The following DLG2 variants were observed in gnomAD, a reference collection of about 807,000 sequenced individuals.
DLG2 encodes the protein discs large MAGUK scaffold protein 2, also known as disks large homolog 2.
In DLG2, 45 loss-of-function variants were observed where a neutral mutation model predicts 132.5. The observed-to-expected ratio is 0.34, with a 90% CI of 0.27 to 0.44. The LOEUF (loss-of-function observed/expected upper bound fraction) is 0.44, where lower values mean the gene tolerates loss of function less well. Among genes scored for constraint, DLG2 ranks in the 20% least tolerant of loss-of-function variants. The pLI is 1.00. For missense variants in DLG2, 1,045 were observed against 1,196.9 expected (o/e 0.87, Z 1.87); for synonymous variants, 424 against 419.6 (o/e 1.01, Z -0.13).
At chr11:85,587,906 T>C (rs2079072120) in intron 3 of DLG2, among the ~76,000 whole-genome samples, 2 of 152,204 alleles carry the variant, frequency 1.3e-5, no homozygotes, top group Admixed American at 6.5e-5. Context: ...ATGAATTCAC[T>C]CAACATTTGT....
intron 15 of DLG2, among the ~76,000 whole-genome samples, chr11:83,920,413 A>G (rs2077651755): frequency 6.6e-6 from 1 of 152,146 alleles, no homozygotes; most frequent in Non-Finnish European, 1.5e-5. Context: ...TAAAATATTT[A>G]GATCTCTATA....
intron 6 of DLG2, among the ~76,000 whole-genome samples, chr11:84,817,259 A>G (rs1177048984): frequency 6.6e-6 from 1 of 151,984 alleles, no homozygotes; most frequent in Non-Finnish European, 1.5e-5. Context: ...TTTTCTAGGC[A>G]GCTTCCATTT....
At chr11:84,892,680 T>C (rs1157237904) in intron 6 of DLG2, among the ~76,000 whole-genome samples, 1 of 152,114 alleles carries the variant, frequency 6.6e-6, no homozygotes, top group Non-Finnish European at 1.5e-5. Context: ...TAATTAAGGG[T>C]GCTGTTGGCC....
At chr11:84,262,198 A>C (rs2097556367) in intron 7 of DLG2, among the ~76,000 whole-genome samples, 1 of 152,160 alleles carries the variant, frequency 6.6e-6, no homozygotes, top group Non-Finnish European at 1.5e-5. Context: ...GATGGAGCCA[A>C]GGCTCACTCC....
At chr11:84,492,469 G>T (rs560095337) in intron 7 of DLG2, among the ~76,000 whole-genome samples, 1 of 152,238 alleles carries the variant, frequency 6.6e-6, no homozygotes, top group East Asian at 1.9e-4. Flanking sequence ...AAGGACTGAG[G>T]CTTTGTAGCA....
intron 7 of DLG2, among the ~76,000 whole-genome samples, chr11:84,385,651 C>T (rs912371352): frequency 6.6e-6 from 1 of 152,040 alleles, no homozygotes; most frequent in African/African-American, 2.4e-5. Flanking sequence ...TCTCCAGGGC[C>T]TGGAATAGTG....
chr11:84,459,699 G>A (rs1269575333), intron 7 of DLG2, among the ~76,000 whole-genome samples: 1 of 150,426 alleles, frequency 6.6e-6, no homozygotes, highest in African/African-American at 2.4e-5. Flanking sequence ...TTCTAGGTAG[G>A]TTGTGTTTTC....
intron 6 of DLG2, among the ~76,000 whole-genome samples, chr11:84,656,567 G>T (rs2099688557): frequency 6.6e-6 from 1 of 152,130 alleles, no homozygotes; most frequent in Admixed American, 6.6e-5. Flanking sequence ...CTGCAACTAT[G>T]TTTGGGATCA....
intron 4 of DLG2, among the ~76,000 whole-genome samples, chr11:85,264,760 G>A (rs187346668): frequency 6.6e-6 from 1 of 152,146 alleles, no homozygotes; most frequent in South Asian, 2.1e-4. Context: ...ATCAGTATTT[G>A]CCCCCAGGGG....
chr11:84,203,250 T>C (rs544364086), intron 8 of DLG2, among the ~76,000 whole-genome samples: 46 of 152,218 alleles, frequency 3.0e-4, no homozygotes, highest in African/African-American at 1.0e-3. Context: ...AAAGAAAATA[T>C]GGTACATATA....
At chr11:83,525,299 G>A (rs1157706656) in intron 21 of DLG2, among the ~76,000 whole-genome samples, 6 of 152,148 alleles carry the variant, frequency 3.9e-5, no homozygotes, top group African/African-American at 1.4e-4. Flanking sequence ...ACAGTTATCT[G>A]TGTGCTGGCT....
chr11:84,879,682 T>C (rs1021338076), intron 6 of DLG2, among the ~76,000 whole-genome samples: 18 of 152,162 alleles, frequency 1.2e-4, no homozygotes, highest in African/African-American at 4.3e-4. Flanking sequence ...CAATTGTCAA[T>C]AATCATTATC....
chr11:84,616,151 A>C (rs1387325201), intron 6 of DLG2, among the ~76,000 whole-genome samples: 2 of 152,094 alleles, frequency 1.3e-5, no homozygotes, highest in African/African-American at 4.8e-5. Context: ...TTGAGATAAG[A>C]AGCACAAGAA....
intron 7 of DLG2, among the ~76,000 whole-genome samples, chr11:84,436,070 A>C (rs2098999692): frequency 6.6e-6 from 1 of 152,178 alleles, no homozygotes; most frequent in Admixed American, 6.5e-5. Flanking sequence ...CAACCTCAAA[A>C]GCCAACTGTT....
At chr11:85,134,637 C>G (rs1264948471) in intron 5 of DLG2, among the ~76,000 whole-genome samples, 1 of 149,498 alleles carries the variant, frequency 6.7e-6, no homozygotes, top group Admixed American at 6.7e-5. Flanking sequence ...TATTGAGGTT[C>G]TAACCTCAAT....
At chr11:84,788,995 T>C (rs2153934723) in intron 6 of DLG2, among the ~76,000 whole-genome samples, 1 of 152,264 alleles carries the variant, frequency 6.6e-6, no homozygotes, top group East Asian at 1.9e-4. Flanking sequence ...AATGAATTCA[T>C]CCCTATGCCT....
intron 16 of DLG2, among the ~76,000 whole-genome samples, chr11:83,847,102 A>C (rs2154025209): frequency 6.6e-6 from 1 of 152,250 alleles, no homozygotes; most frequent in Non-Finnish European, 1.5e-5. Context: ...TAATTATAAA[A>C]GGAATGTTTT....
chr11:84,776,664 T>C (rs902366462), intron 6 of DLG2, among the ~76,000 whole-genome samples: 5 of 152,156 alleles, frequency 3.3e-5, no homozygotes, highest in Admixed American at 1.3e-4. Context: ...ATATAATATA[T>C]AGTATTTTGA....
chr11:84,351,378 T>C (rs920787600), intron 7 of DLG2, among the ~76,000 whole-genome samples: 9 of 152,162 alleles, frequency 5.9e-5, no homozygotes, highest in African/African-American at 2.2e-4. Flanking sequence ...ATGCATTATA[T>C]TCATATTTAT....
Sources: gnomAD v4.1 joint callset for allele counts (sites outside exome capture counted in the v4.1 genomes callset) on GRCh38, gnomAD v4.1.1 for gene constraint, MANE v1.5 for transcripts, NCBI Gene and HGNC (gene_info 2026-07-23, HGNC 2026-07-21) for gene names.